DLG2: variants seen among roughly 807,000 people sequenced by gnomAD.
DLG2 encodes the protein disks large homolog 2.
Under a neutral mutation model 132.5 loss-of-function variants are expected in DLG2, and 45 were observed. That is an observed-to-expected ratio of 0.34 (90% CI 0.27 to 0.44). DLG2 has a LOEUF of 0.44. Ranked by LOEUF, DLG2 falls within the 20% of genes least tolerant of loss-of-function variation. The probability of loss-of-function intolerance (pLI) is 1.00; values close to 1 mark genes in which losing one functional copy is unlikely to be tolerated. For synonymous variants in DLG2, 424 were observed against 419.6 expected, an observed-to-expected ratio of 1.01 and a Z score of -0.13; for missense variants, 1,045 against 1,196.9, an observed-to-expected ratio of 0.87 and a Z score of 1.87.
intron 6 of DLG2, among the ~76,000 whole-genome samples, chr11:84,767,758 A>C (rs2068645722): frequency 6.6e-6 from 1 of 152,088 alleles, no homozygotes. Context: ...GCAGAGTATT[A>C]TCTGCATAAT....
rs80109102 is a variant in DLG2 at position 85,517,727 on chromosome 11, G to T, written c.40+80930C>A. Among the ~76,000 whole-genome samples, 1,391 of 152,058 alleles carry T rather than the reference G, an allele frequency of 9.1e-3. 19 individuals carry two copies. The highest frequency in any genetic ancestry group is 0.03 in the African/African-American group (1,242 of 41,464). ...TCTGGGACTCAAGTGATCCTCCCAA[G>T]TAGCTGGTACTACAGGCACATGCCA... is the stretch of plus-strand genomic sequence containing the variant. On this transcript the variant is annotated intron_variant, in intron 3 of 27. Coordinates refer to ENST00000376104, the MANE Select transcript of DLG2 (RefSeq NM_001142699.3).
intron 6 of DLG2, among the ~76,000 whole-genome samples, chr11:85,087,156 G>C (rs888405900): frequency 6.6e-6 from 1 of 152,120 alleles, no homozygotes; most frequent in Non-Finnish European, 1.5e-5. Flanking sequence ...GAACAGAATA[G>C]ACAAATTCCT....
intron 20 of DLG2, among the ~76,000 whole-genome samples, chr11:83,540,900 C>T (rs2096049548): frequency 6.6e-6 from 1 of 152,034 alleles, no homozygotes; most frequent in South Asian, 2.1e-4. Flanking sequence ...ATCTTGGTGC[C>T]AAAGGGACAT....
At chr11:85,560,993 T>C (rs1012547996) in intron 3 of DLG2, among the ~76,000 whole-genome samples, 1 of 151,180 alleles carries the variant, frequency 6.6e-6, no homozygotes, top group Non-Finnish European at 1.5e-5. Context: ...GATCATTCCA[T>C]TGCACTCCAG....
intron 6 of DLG2, among the ~76,000 whole-genome samples, chr11:84,582,484 A>C (rs988652192): frequency 7.4e-5 from 11 of 148,698 alleles, no homozygotes; most frequent in Non-Finnish European, 1.3e-4. Flanking sequence ...TACATATATA[A>C]TAAACATACA....
At chr11:84,611,943 C>T (rs1165821048) in intron 6 of DLG2, among the ~76,000 whole-genome samples, 1 of 152,046 alleles carries the variant, frequency 6.6e-6, no homozygotes, top group African/African-American at 2.4e-5. Flanking sequence ...TTTTTTACAA[C>T]TATTTTGAAG....
intron 6 of DLG2, among the ~76,000 whole-genome samples, chr11:84,874,021 G>T (rs1242814536): frequency 2.6e-5 from 4 of 152,164 alleles, no homozygotes; most frequent in African/African-American, 4.8e-5. Flanking sequence ...AAAACACAGA[G>T]ATTAAAAACC....
intron 7 of DLG2, among the ~76,000 whole-genome samples, chr11:84,501,198 G>C (rs963727836): frequency 1.3e-5 from 2 of 152,134 alleles, no homozygotes; most frequent in African/African-American, 4.8e-5. Flanking sequence ...TATATTTTAA[G>C]CTTTTAATTA....
intron 4 of DLG2, among the ~76,000 whole-genome samples, chr11:85,207,676 AGAAT>A (rs2081989861): frequency 6.6e-6 from 1 of 152,154 alleles, no homozygotes; most frequent in African/African-American, 2.4e-5. Context: ...AAATATGAAA[AGAAT>A]GAAAGCTTAT....
chr11:84,724,291 G>A (rs1175250155), intron 6 of DLG2, among the ~76,000 whole-genome samples: 3 of 152,034 alleles, frequency 2.0e-5, no homozygotes, highest in African/African-American at 7.2e-5. Context: ...TTTTATGAAT[G>A]TAAAGTAAAT....
At chr11:83,797,245 A>T (rs11233749) in intron 17 of DLG2, among the ~76,000 whole-genome samples, 107,194 of 150,670 alleles carry the variant, frequency 0.71, 39,484 homozygotes, top group African/African-American at 0.91. Flanking sequence ...AAGAAGAAGA[A>T]GATGATGATG....
chr11:83,577,378 CTTA>C (rs908583714), intron 19 of DLG2, among the ~76,000 whole-genome samples: 2 of 144,974 alleles, frequency 1.4e-5, no homozygotes, highest in Non-Finnish European at 3.0e-5. Flanking sequence ...ATATATGTAT[CTTA>C]TTAGTTCTAA....
intron 3 of DLG2, among the ~76,000 whole-genome samples, chr11:85,484,678 C>T (rs971316026): frequency 2.6e-5 from 4 of 151,982 alleles, no homozygotes; most frequent in African/African-American, 4.8e-5. Context: ...GTTAGAATGG[C>T]TATCATTAAA....
At chr11:85,073,937 T>C (rs1186496372) in intron 6 of DLG2, among the ~76,000 whole-genome samples, 1 of 151,878 alleles carries the variant, frequency 6.6e-6, no homozygotes, top group Non-Finnish European at 1.5e-5. Flanking sequence ...CAAGATAATG[T>C]CCTTTGCAGC....
At chr11:84,175,968 T>C (rs897386607) in intron 8 of DLG2, among the ~76,000 whole-genome samples, 2 of 152,108 alleles carry the variant, frequency 1.3e-5, no homozygotes, top group African/African-American at 4.8e-5. Flanking sequence ...AATTGTAAGG[T>C]TTAAAGTTGT....
chr11:84,005,168 C>A (rs1282666111), intron 11 of DLG2, among the ~76,000 whole-genome samples: 2 of 151,882 alleles, frequency 1.3e-5, no homozygotes, highest in Non-Finnish European at 2.9e-5. Context: ...ACCAATGGAA[C>A]AGAATAGAGA....
chr11:84,067,147 A>T (rs2096686739), intron 10 of DLG2, among the ~76,000 whole-genome samples: 1 of 152,082 alleles, frequency 6.6e-6, no homozygotes, highest in East Asian at 1.9e-4. Context: ...AGCCAGACCA[A>T]CATGGTGAAA....
At chr11:83,938,710 G>A (rs749952181) in intron 14 of DLG2, among the ~76,000 whole-genome samples, 16 of 152,160 alleles carry the variant, frequency 1.1e-4, no homozygotes, top group South Asian at 2.1e-4. Context: ...TTTAAAAAAT[G>A]GTCCCTTTGT....
At chr11:84,383,245 G>T (rs191132838) in intron 7 of DLG2, among the ~76,000 whole-genome samples, 4 of 151,596 alleles carry the variant, frequency 2.6e-5, no homozygotes, top group African/African-American at 9.7e-5. Flanking sequence ...GTGTTAGCAC[G>T]GCGTCCATTC....
Sources: gnomAD v4.1 joint callset for allele counts (sites outside exome capture counted in the v4.1 genomes callset) on GRCh38, gnomAD v4.1.1 for gene constraint, MANE v1.5 for transcripts, NCBI Gene and HGNC (gene_info 2026-07-23, HGNC 2026-07-21) for gene names.